Variants in CNOT6L observed in about 807,000 individuals in gnomAD.
The protein encoded by CNOT6L is CCR4-NOT transcription complex subunit 6 like.
In CNOT6L, 7 loss-of-function variants were observed where a neutral mutation model predicts 64.0. The ratio of observed to expected loss-of-function variants is 0.11; its 90% confidence interval spans 0.06 to 0.21. The LOEUF is 0.21. CNOT6L is among the 10% of genes least tolerant of loss of function. The probability of loss-of-function intolerance (pLI) is 1.00; values close to 1 mark genes in which losing one functional copy is unlikely to be tolerated. For synonymous variants in CNOT6L, 193 were observed against 243.4 expected (o/e 0.79, Z 1.93); for missense variants, 245 against 669.0 (o/e 0.37, Z 6.99).
At chr4:77,760,855 C>T (rs1465969869) in intron 4 of CNOT6L, among the ~76,000 whole-genome samples, 1 of 68,972 alleles carries the variant, frequency 1.4e-5, no homozygotes, top group Admixed American at 1.8e-4. Context: ...CACCACCATG[C>T]CTGGCTTTTT....
intron 1 of CNOT6L, among the ~76,000 whole-genome samples, chr4:77,801,265 C>T (rs980102033): frequency 6.6e-6 from 1 of 152,180 alleles, no homozygotes; most frequent in Non-Finnish European, 1.5e-5. Flanking sequence ...GAGTCTTTAA[C>T]TTCAATTCCT....
intron 4 of CNOT6L, among the ~76,000 whole-genome samples, chr4:77,767,623 T>G (rs1726993624): frequency 6.6e-6 from 1 of 152,080 alleles, no homozygotes; most frequent in Admixed American, 6.5e-5. Context: ...AACTGGTTAC[T>G]CATAGGGAAA....
chr4:77,734,373 G>A (rs552973071), intron 8 of CNOT6L, among the ~76,000 whole-genome samples: 19 of 151,964 alleles, frequency 1.3e-4, no homozygotes, highest in African/African-American at 4.1e-4. Flanking sequence ...ATATTTTTAC[G>A]CATTTAGAAC....
In CNOT6L at chr4:77,759,551, C is replaced by T. The variant is rs575738624; in HGVS notation, c.401-2600G>A. Among the ~76,000 whole-genome samples the T allele has an allele frequency of 5.7e-4, 85 of 149,490 alleles. No homozygotes were observed. In the South Asian group the frequency reaches 0.017, roughly 30 times the overall value. Reference sequence around the variant, plus strand: ...CTGCACTCCAGCCTGGGCGACACAGCGTGACTCCGTCTCCAAAAAAGAAGA... The same window carrying T: ...CTGCACTCCAGCCTGGGCGACACAGTGTGACTCCGTCTCCAAAAAAGAAGA... On this transcript the variant is annotated intron_variant, in intron 4 of 11. Transcript: ENST00000504123.
At chr4:77,724,635 A>T (rs1721632222) in intron 11 of CNOT6L, among the ~76,000 whole-genome samples, 1 of 146,014 alleles carries the variant, frequency 6.8e-6, no homozygotes, top group African/African-American at 2.5e-5. Flanking sequence ...CTGAGACCCT[A>T]TCTCAAAAAA....
chr4:77,779,821 G>A (rs138618509), intron 1 of CNOT6L, among the ~76,000 whole-genome samples: 1,606 of 152,196 alleles, frequency 0.011, 31 homozygotes, highest in African/African-American at 0.037. Context: ...AAAATTAGCC[G>A]GGTGTGGTCG....
intron 10 of CNOT6L, among the ~76,000 whole-genome samples, chr4:77,727,039 C>T (rs1721930553): frequency 6.6e-6 from 1 of 152,054 alleles, no homozygotes; most frequent in Admixed American, 6.6e-5. Context: ...AGTATCAAAA[C>T]CCTTATGATG....
At chr4:77,770,825 T>A (rs1288477564) in intron 4 of CNOT6L, among the ~76,000 whole-genome samples, 1 of 152,194 alleles carries the variant, frequency 6.6e-6, no homozygotes, top group Non-Finnish European at 1.5e-5. Context: ...TTTGGAAAAC[T>A]ACCATTTTAA....
chr4:77,734,936 T>C (rs1722790902), intron 8 of CNOT6L, among the ~76,000 whole-genome samples: 1 of 152,166 alleles, frequency 6.6e-6, no homozygotes, highest in African/African-American at 2.4e-5. Flanking sequence ...CTACCATTAT[T>C]GAGGATCTAT....
chr4:77,820,260 G>A (rs1734126498), upstream of CNOT6L, among the ~76,000 whole-genome samples: 1 of 152,188 alleles, frequency 6.6e-6, no homozygotes, highest in Non-Finnish European at 1.5e-5. Flanking sequence ...TGGAGGGGCT[G>A]GCGGGAGTCA....
chr4:77,758,088 G>T (rs529380949), intron 4 of CNOT6L, among the ~76,000 whole-genome samples: 1 of 152,216 alleles, frequency 6.6e-6, no homozygotes, highest in African/African-American at 2.4e-5. Context: ...ACTGGTAAAT[G>T]GTATGAATAC....
At chr4:77,762,377 T>C (rs1726337210) in intron 4 of CNOT6L, among the ~76,000 whole-genome samples, 2 of 152,098 alleles carry the variant, frequency 1.3e-5, no homozygotes, top group African/African-American at 4.8e-5. Context: ...CATAGAACAA[T>C]GGGACAGAAT....
At chr4:77,721,689 A>T (rs996935759) in intron 11 of CNOT6L, among the ~76,000 whole-genome samples, 6 of 152,126 alleles carry the variant, frequency 3.9e-5, no homozygotes, top group Non-Finnish European at 7.4e-5. Context: ...AAGAGACAAG[A>T]TTCAGGTGCA....
At chr4:77,770,725 A>G (rs570235850) in intron 4 of CNOT6L, among the ~76,000 whole-genome samples, 1 of 152,236 alleles carries the variant, frequency 6.6e-6, no homozygotes, top group East Asian at 1.9e-4. Flanking sequence ...TAATGAATGT[A>G]AATCAGTGGC....
chr4:77,748,203 A>G (rs987761247), intron 6 of CNOT6L, 113 bp downstream of exon 6: 11 of 755,078 alleles, frequency 1.5e-5, no homozygotes, highest in Admixed American at 1.4e-4. Flanking sequence ...GTATTTTTAA[A>G]TGCATCTACC....
chr4:77,789,109 T>C (rs1304026698), intron 1 of CNOT6L, among the ~76,000 whole-genome samples: 12 of 152,176 alleles, frequency 7.9e-5, no homozygotes, highest in African/African-American at 2.9e-4. Flanking sequence ...GGATGGACTT[T>C]AGGCCAAAAC....
At chr4:77,732,192 A>G (rs1226301530) in intron 8 of CNOT6L, among the ~76,000 whole-genome samples, 4 of 151,798 alleles carry the variant, frequency 2.6e-5, no homozygotes, top group Admixed American at 1.3e-4. Flanking sequence ...TGAAGAAATG[A>G]CTCTCTCTGT....
In CNOT6L at chr4:77,744,871, T is replaced by C. The variant is rs770948240; in HGVS notation, c.564A>G (p.Ser188=). 2.5e-6 allele frequency: 4 copies of C among 1,595,500 alleles called. No homozygotes were observed. In the African/African-American group the frequency reaches 5.4e-5, roughly 22 times the overall value. The change falls in exon 7 of 12, where the codon TCA becomes TCG. Residue 188 remains serine, a synonymous_variant. Coordinates refer to ENST00000504123, the MANE Select transcript of CNOT6L (RefSeq NM_144571.3). ...ACACATTGTAACACATAACCGTGAATGATGCTAAGAAGTGGGAGAAAAAAC... is the reference window on the plus strand; with the variant it reads ...ACACATTGTAACACATAACCGTGAACGATGCTAAGAAGTGGGAGAAAAAAC... ...KERDQILPSA[S]FTVMCYNVLC... is the part of the protein sequence containing the mutation.
At chr4:77,820,047 G>A (rs972373891), upstream of CNOT6L, among the ~76,000 whole-genome samples, 1 of 152,134 alleles carries the variant, frequency 6.6e-6, no homozygotes, top group African/African-American at 2.4e-5. Context: ...CCTGGTGCTG[G>A]GGCTGCCGCC....
Sources: gnomAD v4.1 joint callset for allele counts (sites outside exome capture counted in the v4.1 genomes callset) on GRCh38, gnomAD v4.1.1 for gene constraint, MANE v1.5 for transcripts, NCBI Gene and HGNC (gene_info 2026-07-23, HGNC 2026-07-21) for gene names.